The following ISOC1 variants were observed in gnomAD, a reference collection of about 807,000 sequenced individuals.
ISOC1 encodes isochorismatase domain containing 1, also known as isochorismatase domain-containing protein 1.
A neutral mutation model predicts 30.0 loss-of-function variants in ISOC1; 33 were observed. The observed-to-expected ratio is 1.10, with a 90% CI of 0.83 to 1.47. The LOEUF is 1.47. ISOC1 is among the 40% of genes most tolerant of loss of function. The pLI is 0.00. For missense variants in ISOC1, 372 were observed against 388.0 expected (o/e 0.96, Z 0.35); for synonymous variants, 178 against 159.8 (o/e 1.11, Z -0.86).
Position 129,113,054 on chromosome 5 carries a change from G to T in ISOC1, c.*53G>T. 6.6e-7 allele frequency: 1 copy of T among 1,526,538 alleles called. No individual in the cohort carries two copies. Among genetic ancestry groups the T allele is most frequent in the Non-Finnish European group, 8.9e-7 (1 of 1,124,530 alleles). 94.6% of individuals were successfully genotyped at this position (1,526,538 alleles called of 1,614,324 possible). On this transcript the variant is annotated 3_prime_UTR_variant, in exon 5 of 5. Coordinates refer to ENST00000173527, the MANE Select transcript of ISOC1 (RefSeq NM_016048.2). ...ACTGGTGAAGGACAGTCAGGTGAAGGACTGTAAGCCCACACAAGCTCTTCT... is the reference window on the plus strand; with the variant it reads ...ACTGGTGAAGGACAGTCAGGTGAAGTACTGTAAGCCCACACAAGCTCTTCT...
rs1261354147 is a variant in ISOC1, at chr5:129,106,982, G to T, written c.670G>T (p.Val224Phe). Residue 224 changes from valine (V) to phenylalanine (F), a missense_variant, in exon 4 of 5, where the codon GTT (valine) becomes TTT (phenylalanine). Val to Phe is a conservative substitution (Grantham distance 50, BLOSUM62 -1). Coordinates refer to ENST00000173527, the MANE Select transcript of ISOC1 (RefSeq NM_016048.2). ...VCIQQTALEL[V>F]GRGVEVHIVA... ...CATCCAACAAACTGCCCTGGAGCTA[G>T]TTGGCCGAGGAGTCGAGGTTCACAT... The T allele has an allele frequency of 6.2e-7, 1 of 1,613,874 alleles. No individual in the cohort carries two copies. The highest frequency in any genetic ancestry group is 1.7e-5 in the Admixed American group (1 of 60,002).
At chr5:129,101,436 A>G (rs1580787088) in intron 1 of ISOC1, among the ~76,000 whole-genome samples, 1 of 151,890 alleles carries the variant, frequency 6.6e-6, no homozygotes, top group Non-Finnish European at 1.5e-5. Flanking sequence ...TGGAGGTTGC[A>G]ATGAGTCGAG....
chr5:129,098,166 G>T (rs996061823), intron 1 of ISOC1, among the ~76,000 whole-genome samples: 2 of 152,180 alleles, frequency 1.3e-5, no homozygotes, highest in East Asian at 3.9e-4. Flanking sequence ...ATGACCTTGT[G>T]AAACACAGTG....
chr5:129,097,270 C>G (rs1753514515), intron 1 of ISOC1, among the ~76,000 whole-genome samples: 2 of 152,106 alleles, frequency 1.3e-5, no homozygotes, highest in African/African-American at 4.8e-5. Context: ...CCTGATGCCT[C>G]TCCTAGCTTA....
At chr5:129,101,947 C>T (rs1056465732) in intron 1 of ISOC1, among the ~76,000 whole-genome samples, 1 of 151,988 alleles carries the variant, frequency 6.6e-6, no homozygotes, top group African/African-American at 2.4e-5. Context: ...ATTGTTGGAT[C>T]GGGGTTGTGA....
intron 4 of ISOC1, 122 bp downstream of exon 4, chr5:129,107,184 G>C: frequency 1.4e-6 from 1 of 724,276 alleles, no homozygotes; most frequent in Admixed American, 2.0e-5. Context: ...GGCAATATCA[G>C]ACTAATTGAT....
At chr5:129,100,032 G>T (rs977399977) in intron 1 of ISOC1, among the ~76,000 whole-genome samples, 1 of 152,186 alleles carries the variant, frequency 6.6e-6, no homozygotes, top group African/African-American at 2.4e-5. Flanking sequence ...GACCTCTGTT[G>T]TAAGTGAGTT....
intron 4 of ISOC1, among the ~76,000 whole-genome samples, chr5:129,109,757 G>A (rs1753682240): frequency 6.6e-6 from 1 of 152,108 alleles, no homozygotes; most frequent in Non-Finnish European, 1.5e-5. Context: ...TGAGGAAGGG[G>A]GCAATGTTAA....
intron 1 of ISOC1, among the ~76,000 whole-genome samples, 164 bp from the exon 2 acceptor site, chr5:129,104,791 GT>G (rs575687454): frequency 6.8e-5 from 10 of 147,720 alleles, no homozygotes; most frequent in East Asian, 2.0e-4. Context: ...ATCTTTTTGA[GT>G]TTTTTTTTTT....
At chr5:129,103,082 G>T (rs1753591157) in intron 1 of ISOC1, among the ~76,000 whole-genome samples, 1 of 152,170 alleles carries the variant, frequency 6.6e-6, no homozygotes, top group African/African-American at 2.4e-5. Context: ...GGTTATTTCA[G>T]TAGGCCTGCT....
chr5:129,110,765 G>A (rs537560363), intron 4 of ISOC1, among the ~76,000 whole-genome samples: 1 of 152,276 alleles, frequency 6.6e-6, no homozygotes, highest in South Asian at 2.1e-4. Context: ...TCCTTCCTTA[G>A]ACCTGGGAAC....
chr5:129,101,192 A>AAAAAAAATATATAT (rs1554064627), intron 1 of ISOC1, among the ~76,000 whole-genome samples: 20 of 42,210 alleles, frequency 4.7e-4, no homozygotes, highest in Non-Finnish European at 6.5e-4. Context: ...AAAAAAAAAA[A>AAAAAAAATATATAT]ATATATATAT....
chr5:129,094,817 G>A lies in ISOC1; in HGVS notation c.51G>A (p.Gly17=), dbSNP rs756158264. The A allele has an allele frequency of 6.5e-7, 1 of 1,539,894 alleles. No homozygotes were observed. The part of the protein sequence containing the change: ...AVLALPNSGA[G]GAGAPSGTVP... ...TTGCGCTCCCCAACAGCGGCGCCGGGGGCGCGGGGGCGCCGTCGGGCACAG... is the reference window on the plus strand; with the variant it reads ...TTGCGCTCCCCAACAGCGGCGCCGGAGGCGCGGGGGCGCCGTCGGGCACAG... The change falls in exon 1 of 5, where the codon GGG becomes GGA. Residue 17 remains glycine (G), a synonymous_variant. Transcript: ENST00000173527.
intron 1 of ISOC1, 116 bp from the exon 2 acceptor site, chr5:129,104,840 G>A: frequency 1.0e-6 from 1 of 972,284 alleles, no homozygotes; most frequent in Non-Finnish European, 1.5e-6. Context: ...AATAGCGGTA[G>A]AAATTGACTT....
intron 1 of ISOC1, among the ~76,000 whole-genome samples, chr5:129,101,126 C>A (rs1753565101): frequency 7.7e-6 from 1 of 130,434 alleles, no homozygotes; most frequent in Non-Finnish European, 1.5e-5. Flanking sequence ...CCCACCTCAG[C>A]CTCCTGAGGA....
Position 129,105,334 on chromosome 5 carries a change from A to G in ISOC1, c.579A>G (p.Glu193=), listed in dbSNP as rs1753623231. The change falls in exon 3 of 5, where the codon GAA becomes GAG. Residue 193 remains glutamate, a synonymous_variant. Coordinates refer to ENST00000173527, the MANE Select transcript of ISOC1 (RefSeq NM_016048.2). ...TTTCAATGGTATTACCAGAAGTAGA[A>G]GCGGCATTAGCAGAGATTCCCGGAG... ...TKFSMVLPEV[E]AALAEIPGVR... 1.2e-6 allele frequency: 2 copies of G among 1,613,798 alleles called. No homozygotes were observed. The highest frequency in any genetic ancestry group is 8.5e-7 in the Non-Finnish European group (1 of 1,179,858).
At chr5:129,107,392 A>C (rs576507231) in intron 4 of ISOC1, among the ~76,000 whole-genome samples, 10 of 152,314 alleles carry the variant, frequency 6.6e-5, no homozygotes, top group Non-Finnish European at 1.3e-4. Flanking sequence ...TTGCAAATTA[A>C]AAATAGCTCA....
chr5:129,108,014 T>G (rs1382980592), intron 4 of ISOC1, among the ~76,000 whole-genome samples: 9 of 152,246 alleles, frequency 5.9e-5, no homozygotes, highest in Admixed American at 5.9e-4. Flanking sequence ...TCATATTTAG[T>G]TCTAATTTTG....
intron 1 of ISOC1, among the ~76,000 whole-genome samples, chr5:129,100,843 CA>C (rs1217420210): frequency 6.7e-6 from 1 of 150,346 alleles, no homozygotes; most frequent in Non-Finnish European, 1.5e-5. Context: ...TTGGTAGCCA[CA>C]AAAGTTCCTT....
Sources: gnomAD v4.1 joint callset for allele counts (sites outside exome capture counted in the v4.1 genomes callset) on GRCh38, gnomAD v4.1.1 for gene constraint, MANE v1.5 for transcripts, NCBI Gene and HGNC (gene_info 2026-07-23, HGNC 2026-07-21) for gene names.